PPHLN1: variants seen among roughly 807,000 people sequenced by gnomAD.
The protein encoded by PPHLN1 is periphilin-1.
In PPHLN1, 29 loss-of-function variants were observed where a neutral mutation model predicts 51.3. The ratio of observed to expected loss-of-function variants is 0.57; its 90% CI spans 0.42 to 0.77. PPHLN1 has a LOEUF of 0.77. Ranked by LOEUF, PPHLN1 falls within the 30% of genes least tolerant of loss-of-function variation. PPHLN1 has a pLI of 0.00. For missense variants in PPHLN1, 436 were observed against 438.4 expected (o/e 0.99, Z 0.05); for synonymous variants, 147 against 147.8 (o/e 0.99, Z 0.04).
chr12:42,369,526 G>A (rs2075598472), intron 4 of PPHLN1, among the ~76,000 whole-genome samples: 1 of 152,182 alleles, frequency 6.6e-6, no homozygotes, highest in South Asian at 2.1e-4. Context: ...CATCTTTTGA[G>A]TGCTATATGC....
chr12:42,389,408 C>A (rs949723122), intron 7 of PPHLN1, among the ~76,000 whole-genome samples: 9 of 143,798 alleles, frequency 6.3e-5, no homozygotes, highest in Non-Finnish European at 1.1e-4. Flanking sequence ...AAAAAAAAAA[C>A]AATTAGCCGG....
chr12:42,364,260 G>C (rs1223912308), intron 4 of PPHLN1, among the ~76,000 whole-genome samples: 1 of 151,968 alleles, frequency 6.6e-6, no homozygotes, highest in Non-Finnish European at 1.5e-5. Flanking sequence ...TCTTAGGATG[G>C]AACTGATTTG....
intron 9 of PPHLN1, among the ~76,000 whole-genome samples, chr12:42,416,957 A>T (rs1042829481): frequency 6.6e-6 from 1 of 152,256 alleles, no homozygotes; most frequent in Non-Finnish European, 1.5e-5. Flanking sequence ...TTTGAATTCT[A>T]TGATGGGCTT....
chr12:42,437,011 T>A (rs530606774), intron 9 of PPHLN1, among the ~76,000 whole-genome samples: 1 of 152,338 alleles, frequency 6.6e-6, no homozygotes, highest in South Asian at 2.1e-4. Context: ...TTGTCCTGGC[T>A]CTCAGGAGCA....
chr12:42,419,939 G>C (rs1464057840), intron 9 of PPHLN1, among the ~76,000 whole-genome samples: 2 of 152,208 alleles, frequency 1.3e-5, no homozygotes, highest in African/African-American at 4.8e-5. Context: ...TGAGGAGAAT[G>C]ATTGTTGCTG....
intron 9 of PPHLN1, among the ~76,000 whole-genome samples, chr12:42,427,970 A>G (rs1489497021): frequency 6.6e-6 from 1 of 152,242 alleles, no homozygotes; most frequent in Non-Finnish European, 1.5e-5. Context: ...AATTCTAAAA[A>G]GAAGACATAC....
chr12:42,418,297 A>G (rs1023070210), intron 9 of PPHLN1, among the ~76,000 whole-genome samples: 2 of 148,666 alleles, frequency 1.3e-5, no homozygotes, highest in African/African-American at 5.0e-5. Flanking sequence ...AATGAACAAT[A>G]CTATTTTAAA....
At chr12:42,427,430 C>T (rs759047096) in intron 9 of PPHLN1, among the ~76,000 whole-genome samples, 24 of 152,148 alleles carry the variant, frequency 1.6e-4, no homozygotes, top group Non-Finnish European at 2.9e-4. Flanking sequence ...GCACATAGAT[C>T]AATGGAACAG....
chr12:42,441,609 G>A lies in PPHLN1; in HGVS notation c.*100G>A. ...ATATATGGAATTTTTGTGATGCAGAGAAATACTTTATGATAGTTGACAACA... is the reference window on the plus strand; with the variant it reads ...ATATATGGAATTTTTGTGATGCAGAAAAATACTTTATGATAGTTGACAACA... On this transcript the variant is annotated 3_prime_UTR_variant, in exon 10 of 10. Coordinates refer to ENST00000358314, the MANE Select transcript of PPHLN1 (RefSeq NM_201439.2). 7.4e-7 allele frequency: 1 copy of A among 1,360,540 alleles called. No individual in the cohort carries two copies. The highest frequency in any genetic ancestry group is 9.5e-7 in the Non-Finnish European group (1 of 1,048,360). 84.3% of individuals were successfully genotyped at this position (1,360,540 alleles called of 1,614,324 possible). A position where few individuals can be genotyped will look rare whatever the true frequency, so the allele number is the denominator to read the frequency against.
chr12:42,426,172 CCACACACA>C (rs71084653), intron 9 of PPHLN1, among the ~76,000 whole-genome samples: 2,466 of 122,162 alleles, frequency 0.02, 28 homozygotes, highest in African/African-American at 0.035. Flanking sequence ...AGACTTGACA[CCACACACA>C]CACACACACA....
At chr12:42,347,133 A>C (rs2072463196) in intron 2 of PPHLN1, 1 of 152,256 alleles carries the variant, frequency 6.6e-6, no homozygotes, top group Non-Finnish European at 1.5e-5. Flanking sequence ...CCAGAATGCC[A>C]ATCAGCTATT....
chr12:42,349,895 T>C lies in PPHLN1; in HGVS notation c.73-1990T>C, dbSNP rs1183059139. ...TTTGACAAAACCGCCATCGTCATCA[T>C]GGCCCGTCCTCAGTGAGCTGTTGGG... On this transcript the variant is annotated intron_variant, in intron 2 of 9. Transcript: ENST00000358314. Among the ~76,000 whole-genome samples the C allele has an allele frequency of 2.6e-5, 4 of 152,208 alleles. 1 individual carries two copies. The South Asian group carries it at 6.2e-4, about 24-fold the overall frequency.
intron 4 of PPHLN1, among the ~76,000 whole-genome samples, chr12:42,366,309 C>T (rs1480169675): frequency 6.8e-6 from 1 of 147,432 alleles, no homozygotes. Flanking sequence ...CTCACGGCAG[C>T]TTTCACCTCC....
chr12:42,403,544 A>G (rs1344000859), intron 9 of PPHLN1, among the ~76,000 whole-genome samples: 1 of 152,238 alleles, frequency 6.6e-6, no homozygotes, highest in Non-Finnish European at 1.5e-5. Flanking sequence ...AAAAGGAAGC[A>G]TCTCTTAAAG....
In PPHLN1 at chr12:42,364,630, T is replaced by C. The variant is rs528933098; in HGVS notation, c.299+9408T>C. On this transcript the variant is annotated intron_variant, in intron 4 of 9. Transcript: ENST00000358314. ...CAGAGTGAGACTCTGTCTCAAAAAATTTTTAAAAAGGCCAGGCAGGTGGCT... is the reference window on the plus strand; with the variant it reads ...CAGAGTGAGACTCTGTCTCAAAAAACTTTTAAAAAGGCCAGGCAGGTGGCT... Among the ~76,000 whole-genome samples the C allele has an allele frequency of 2.3e-4, 35 of 151,904 alleles. 1 individual carries two copies. In the South Asian group the frequency reaches 6.4e-3, roughly 28 times the overall value.
intron 9 of PPHLN1, among the ~76,000 whole-genome samples, chr12:42,428,462 T>C (rs1459391002): frequency 6.6e-6 from 1 of 152,168 alleles, no homozygotes; most frequent in African/African-American, 2.4e-5. Context: ...GCATTTGGAA[T>C]GAGCGGGGTG....
chr12:42,339,123 C>G (rs1409347689), intron 2 of PPHLN1, among the ~76,000 whole-genome samples: 2 of 152,242 alleles, frequency 1.3e-5, no homozygotes, highest in Non-Finnish European at 2.9e-5. Flanking sequence ...TCAGCTGTCT[C>G]TTAAATGCCT....
intron 9 of PPHLN1, among the ~76,000 whole-genome samples, chr12:42,425,693 G>A (rs1382275451): frequency 2.6e-5 from 4 of 152,172 alleles, no homozygotes; most frequent in Non-Finnish European, 5.9e-5. Flanking sequence ...AGCCTCCTCA[G>A]GTTTTTAAAA....
downstream of PPHLN1, chr12:42,444,100 C>T (rs2083160752): frequency 6.6e-6 from 1 of 152,120 alleles, no homozygotes; most frequent in South Asian, 2.1e-4. Context: ...TTATATGCCT[C>T]TGTCATAAGG....
Sources: gnomAD v4.1 joint callset for allele counts (sites outside exome capture counted in the v4.1 genomes callset) on GRCh38, gnomAD v4.1.1 for gene constraint, MANE v1.5 for transcripts, NCBI Gene and HGNC (gene_info 2026-07-23, HGNC 2026-07-21) for gene names.